Variants in AGTPBP1 observed in about 807,000 individuals in gnomAD.
The protein encoded by AGTPBP1 is cytosolic carboxypeptidase 1.
AGTPBP1 carries 70 observed loss-of-function variants against 143.9 expected under a neutral mutation model. The observed-to-expected ratio is 0.49, with a 90% confidence interval of 0.40 to 0.59. The LOEUF (loss-of-function observed/expected upper bound fraction) is 0.59. AGTPBP1 is among the 20% of genes least tolerant of loss of function. The probability of loss-of-function intolerance (pLI) is 0.00; values close to 1 mark genes in which losing one functional copy is unlikely to be tolerated. For synonymous variants in AGTPBP1, 463 were observed against 500.2 expected, an observed-to-expected ratio of 0.93 and a Z score of 0.99; for missense variants, 1,229 against 1,464.5, an observed-to-expected ratio of 0.84 and a Z score of 2.62.
intron 14 of AGTPBP1, among the ~76,000 whole-genome samples, chr9:85,623,403 A>G (rs185773747): frequency 2.2e-4 from 34 of 152,262 alleles, no homozygotes; most frequent in Non-Finnish European, 4.1e-4. Context: ...GCCCATTTAT[A>G]TTAGACTAGA....
At chr9:85,568,332 T>C (rs917319089) in intron 25 of AGTPBP1, among the ~76,000 whole-genome samples, 5 of 152,230 alleles carry the variant, frequency 3.3e-5, no homozygotes, top group African/African-American at 7.2e-5. Context: ...ATTCTTATAT[T>C]TTTATTCAAG....
At chr9:85,702,664 T>A (rs1836745437) in intron 2 of AGTPBP1, among the ~76,000 whole-genome samples, 1 of 152,068 alleles carries the variant, frequency 6.6e-6, no homozygotes, top group African/African-American at 2.4e-5. Context: ...TCTCTCTTTT[T>A]TTTTTTTAAC....
intron 1 of AGTPBP1, chr9:85,741,541 G>A (rs1824280992): frequency 1.1e-5 from 11 of 985,292 alleles, no homozygotes; most frequent in Non-Finnish European, 1.3e-5. Flanking sequence ...GACTGGGGAA[G>A]GCGTTTTCCA....
intron 17 of AGTPBP1, among the ~76,000 whole-genome samples, chr9:85,599,110 AAC>A (rs57074552): frequency 0.26 from 35,426 of 135,128 alleles, 5,202 homozygotes; most frequent in Non-Finnish European, 0.36. Flanking sequence ...CTTGTCACTG[AAC>A]ACACACACAC....
At chr9:85,583,997 A>G (rs1007288824) in intron 23 of AGTPBP1, among the ~76,000 whole-genome samples, 11 of 151,836 alleles carry the variant, frequency 7.2e-5, no homozygotes, top group South Asian at 4.2e-4. Context: ...GTGAAGTATG[A>G]TCCAAGCAGA....
the AGTPBP1 span, among the ~76,000 whole-genome samples, chr9:85,767,561 T>C: frequency 1.3e-5 from 2 of 152,144 alleles, no homozygotes; most frequent in African/African-American, 4.8e-5. Context: ...TTGGCCAAGA[T>C]GGTCTCGATC....
intron 1 of AGTPBP1, among the ~76,000 whole-genome samples, chr9:85,736,089 G>A (rs1365726251): frequency 1.3e-5 from 2 of 152,066 alleles, no homozygotes; most frequent in African/African-American, 4.8e-5. Context: ...TTCACGTTGT[G>A]CCTTCACTGT....
chr9:85,636,650 C>G (rs62566950), intron 13 of AGTPBP1, among the ~76,000 whole-genome samples: 1 of 151,550 alleles, frequency 6.6e-6, no homozygotes, highest in African/African-American at 2.4e-5. Context: ...GAAGGCAGCA[C>G]AGAGAGGCAA....
chr9:85,739,659 G>C (rs1364790908), intron 1 of AGTPBP1, among the ~76,000 whole-genome samples: 2 of 149,204 alleles, frequency 1.3e-5, no homozygotes, highest in Non-Finnish European at 3.0e-5. Context: ...AGTGAGCCAA[G>C]ATCGTGCCAC....
the AGTPBP1 span, among the ~76,000 whole-genome samples, chr9:85,750,555 G>A: frequency 2.0e-5 from 3 of 152,228 alleles, no homozygotes; most frequent in Non-Finnish European, 2.9e-5. Flanking sequence ...CAGGTCTTTT[G>A]AATAAGAATG....
the AGTPBP1 span, among the ~76,000 whole-genome samples, chr9:85,759,586 A>G: frequency 2.6e-5 from 4 of 152,222 alleles, no homozygotes; most frequent in African/African-American, 9.6e-5. Context: ...GAACAAAGAC[A>G]CAACATACCA....
At chr9:85,720,673 CTCTAA>C (rs1838047001) in intron 1 of AGTPBP1, among the ~76,000 whole-genome samples, 2 of 152,058 alleles carry the variant, frequency 1.3e-5, no homozygotes, top group African/African-American at 2.4e-5. Context: ...TTCAGTTCTG[CTCTAA>C]TCTTAGTTAT....
the AGTPBP1 span, chr9:85,786,358 A>C: frequency 5.3e-5 from 86 of 1,614,016 alleles, no homozygotes; most frequent in East Asian, 1.8e-3. Flanking sequence ...AACAGATGAT[A>C]ATCAGTTTAC....
intron 13 of AGTPBP1, among the ~76,000 whole-genome samples, chr9:85,635,489 C>T (rs1831978629): frequency 6.6e-6 from 1 of 152,150 alleles, no homozygotes; most frequent in African/African-American, 2.4e-5. Context: ...ATCCACCCCA[C>T]AGAACTATTT....
At chr9:85,794,033 T>C in the AGTPBP1 span, among the ~76,000 whole-genome samples, 1 of 152,154 alleles carries the variant, frequency 6.6e-6, no homozygotes, top group East Asian at 1.9e-4. Flanking sequence ...CTCAAGGAAC[T>C]TATAGTCCAG....
At position 85,578,120 on chromosome 9, in the gene AGTPBP1, A is replaced by G. The variant is rs531960438; in HGVS notation, c.3342+800T>C. 1.2e-4 allele frequency among the ~76,000 whole-genome samples: 19 copies of G among 152,332 alleles called. No individual in the cohort carries two copies. In the South Asian group the frequency reaches 3.5e-3, roughly 28 times the overall value. The stretch of plus-strand genomic sequence containing the variant: ...GCCCAGTTTTGCTCATTGCTTATCT[A>G]AAGTCCAACTCATTGCACATTAAGT... On this transcript the variant is annotated intron_variant, in intron 24 of 25. Transcript: ENST00000357081.
chr9:85,637,112 G>A (rs1832118350), intron 13 of AGTPBP1, among the ~76,000 whole-genome samples: 1 of 148,466 alleles, frequency 6.7e-6, no homozygotes, highest in Non-Finnish European at 1.5e-5. Flanking sequence ...CATGATCTCA[G>A]CTCACTGCAA....
chr9:85,677,569 T>C lies in AGTPBP1; in HGVS notation c.303A>G (p.Arg101=). Residue 101 remains arginine (R), a synonymous_variant, in exon 6 of 26, where the codon AGA becomes AGG. Coordinates refer to ENST00000357081, the MANE Select transcript of AGTPBP1 (RefSeq NM_001330701.2). ...CACCTTTGGTGACTAAGAAACTCAC[T>C]CTTCGACCTCCACCTAAAAATTAAA... The part of the protein sequence containing the change: ...VELVSAGGGR[R]VSFLVTKGGS... 6.5e-7 allele frequency: 1 copy of C among 1,529,626 alleles called. No homozygotes were observed. The highest frequency in any genetic ancestry group is 8.7e-7 in the Non-Finnish European group (1 of 1,147,430). The allele number at this position is 1,529,626 out of a possible 1,614,324, so 94.8% of individuals were successfully genotyped here. A position where few individuals can be genotyped will look rare whatever the true frequency, so the allele number is the denominator to read the frequency against.
chr9:85,742,382 ACTTT>A (rs1824417592), upstream of AGTPBP1, among the ~76,000 whole-genome samples: 11 of 146,006 alleles, frequency 7.5e-5, no homozygotes, highest in South Asian at 2.4e-3. Flanking sequence ...TCAATCAGTC[ACTTT>A]CTTAGGAAGG....
Sources: gnomAD v4.1 joint callset for allele counts (sites outside exome capture counted in the v4.1 genomes callset) on GRCh38, gnomAD v4.1.1 for gene constraint, MANE v1.5 for transcripts, NCBI Gene and HGNC (gene_info 2026-07-23, HGNC 2026-07-21) for gene names.